Variants in CCDC171 observed in about 807,000 individuals in gnomAD.
CCDC171 encodes coiled-coil domain containing 171.
Under a neutral mutation model 168.2 loss-of-function variants are expected in CCDC171, and 177 were observed. The observed-to-expected ratio is 1.05, with a 90% CI of 0.93 to 1.19. The LOEUF (loss-of-function observed/expected upper bound fraction) is 1.19. Ranked by LOEUF, CCDC171 falls within the 50% of genes most tolerant of loss-of-function variation. The probability of loss-of-function intolerance (pLI) is 0.00; values close to 1 mark genes in which losing one functional copy is unlikely to be tolerated. For synonymous variants in CCDC171, 687 were observed against 540.8 expected, an observed-to-expected ratio of 1.27 and a Z score of -3.75; for missense variants, 1,991 against 1,539.0, an observed-to-expected ratio of 1.29 and a Z score of -4.91.
chr9:15,696,821 T>C (rs1156315211), intron 11 of CCDC171, among the ~76,000 whole-genome samples: 1 of 152,258 alleles, frequency 6.6e-6, no homozygotes, highest in African/African-American at 2.4e-5. Context: ...TTTATTCTTT[T>C]ATTAACCATC....
intron 24 of CCDC171, among the ~76,000 whole-genome samples, chr9:15,902,262 G>GTATATA (rs1168245282): frequency 7.0e-6 from 1 of 142,946 alleles, no homozygotes; most frequent in Non-Finnish European, 1.5e-5. Context: ...ATATATATAT[G>GTATATA]TATATATATA....
chr9:15,665,071 A>G lies in CCDC171; in HGVS notation c.916-1092A>G, dbSNP rs2048630292. On this transcript the variant is annotated intron_variant, in intron 8 of 25. Transcript: ENST00000380701. Reference sequence around the variant, plus strand: ...CCAGCTTCAATACTTTACTCACGTCAATGGTGTTTTATCTCTTACCTCCTG... The same window carrying G: ...CCAGCTTCAATACTTTACTCACGTCGATGGTGTTTTATCTCTTACCTCCTG... Among the ~76,000 whole-genome samples the G allele has an allele frequency of 1.3e-5, 2 of 152,138 alleles. 1 individual carries two copies. Among genetic ancestry groups the G allele is most frequent in the South Asian group, 4.1e-4 (2 of 4,826 alleles).
intron 4 of CCDC171, among the ~76,000 whole-genome samples, chr9:15,590,313 T>G (rs1350322381): frequency 6.6e-6 from 1 of 152,258 alleles, no homozygotes; most frequent in Non-Finnish European, 1.5e-5. Flanking sequence ...TTAGAAATAC[T>G]GCTAATATAG....
chr9:16,059,804 G>A (rs1005768167), intron 1 of CCDC171, among the ~76,000 whole-genome samples: 4 of 151,420 alleles, frequency 2.6e-5, no homozygotes, highest in Admixed American at 2.0e-4. Context: ...GTGAGCCACC[G>A]CGCCTGGCCT....
intron 7 of CCDC171, among the ~76,000 whole-genome samples, chr9:15,655,576 A>C (rs2047867536): frequency 6.6e-6 from 1 of 152,212 alleles, no homozygotes; most frequent in African/African-American, 2.4e-5. Flanking sequence ...ATCATAATGA[A>C]AAGTTTTGGT....
chr9:15,858,051 T>C (rs1466247550), intron 23 of CCDC171, among the ~76,000 whole-genome samples: 1 of 151,968 alleles, frequency 6.6e-6, no homozygotes, highest in Non-Finnish European at 1.5e-5. Context: ...GGAGTCTTAC[T>C]CTTTTGCCCA....
chr9:16,007,145 A>C (rs1017657816), intron 3 of CCDC171, among the ~76,000 whole-genome samples: 14 of 152,088 alleles, frequency 9.2e-5, no homozygotes, highest in East Asian at 1.9e-4. Flanking sequence ...GAGATGGTAT[A>C]TCATTGTGGT....
At chr9:15,883,012 T>TCCTG (rs140765841) in intron 24 of CCDC171, 2 of 3,310 alleles carry the variant, frequency 6.0e-4, no homozygotes, top group African/African-American at 3.6e-3. Flanking sequence ...CTTCCTTCCT[T>TCCTG]CCTTCCTCCC....
At chr9:16,061,247 G>C (rs955426827) in exon 2 of CCDC171, 1 of 152,178 alleles carries the variant, frequency 6.6e-6, no homozygotes, top group African/African-American at 2.4e-5. Context: ...ATGCTTGCTA[G>C]TGCTCAAGAA....
chr9:15,845,623 GTTTATTC>G (rs1445229081), intron 21 of CCDC171: 1 of 151,834 alleles, frequency 6.6e-6, no homozygotes, highest in African/African-American at 2.4e-5. Context: ...TAACATTTTT[GTTTATTC>G]TTTACTAGAT....
chr9:15,964,327 C>G (rs1295373528), intron 25 of CCDC171, among the ~76,000 whole-genome samples: 1 of 152,090 alleles, frequency 6.6e-6, no homozygotes, highest in Non-Finnish European at 1.5e-5. Flanking sequence ...ACCAGTTTGT[C>G]ATTTCAGACT....
chr9:15,695,574 T>C (rs956055345), intron 11 of CCDC171, among the ~76,000 whole-genome samples: 1 of 152,158 alleles, frequency 6.6e-6, no homozygotes. Flanking sequence ...GTGTGTGTGA[T>C]TGGACAGACA....
the CCDC171 span, among the ~76,000 whole-genome samples, chr9:16,092,710 C>G: frequency 2.6e-5 from 4 of 152,342 alleles, no homozygotes; most frequent in African/African-American, 9.6e-5. Context: ...GCTCTGTTCA[C>G]TCTGGGTCCT....
chr9:15,609,122 C>T (rs1192497722), intron 6 of CCDC171, among the ~76,000 whole-genome samples: 3 of 149,350 alleles, frequency 2.0e-5, no homozygotes, highest in Admixed American at 6.7e-5. Flanking sequence ...TTTTTGGACA[C>T]GGAGTCTCGC....
chr9:15,755,831 A>G (rs552419415), intron 18 of CCDC171, among the ~76,000 whole-genome samples: 1 of 152,150 alleles, frequency 6.6e-6, no homozygotes, highest in African/African-American at 2.4e-5. Flanking sequence ...GCTAATGGAT[A>G]TAGAGTTTCT....
intron 6 of CCDC171, among the ~76,000 whole-genome samples, chr9:15,604,759 G>A (rs969657621): frequency 1.3e-5 from 2 of 152,130 alleles, no homozygotes; most frequent in Non-Finnish European, 2.9e-5. Flanking sequence ...GACCCAGTAA[G>A]TATGATTGTG....
rs144410809 is a variant in CCDC171 at position 15,903,021 on chromosome 9, C to G, written c.3601-17249C>G. ...CATTGCCTAGGCTAGAGTAGGTAAA[C>G]AAAGCAGCCGGGAAGCTCGAACTGG... On this transcript the variant is annotated intron_variant, in intron 24 of 25. Transcript: ENST00000380701. Among the ~76,000 whole-genome samples the G allele has an allele frequency of 2.5e-3, 383 of 152,248 alleles. 6 individuals carry two copies. In the East Asian group the frequency reaches 0.053, roughly 21 times the overall value.
At chr9:15,659,237 C>T (rs1416524849) in intron 8 of CCDC171, among the ~76,000 whole-genome samples, 2 of 152,170 alleles carry the variant, frequency 1.3e-5, no homozygotes, top group South Asian at 2.1e-4. Context: ...CTGCCGGTAG[C>T]TTATCTTGGA....
intron 25 of CCDC171, among the ~76,000 whole-genome samples, chr9:15,938,721 T>G (rs1203790936): frequency 6.6e-6 from 1 of 151,880 alleles, no homozygotes; most frequent in Non-Finnish European, 1.5e-5. Context: ...GAATCTGAAT[T>G]CAGCTTATTC....
Sources: allele counts gnomAD v4.1 joint callset (sites outside exome capture counted in the v4.1 genomes callset), GRCh38; gene constraint gnomAD v4.1.1; transcripts MANE v1.5; gene names NCBI Gene and HGNC (gene_info 2026-07-23, HGNC 2026-07-21).